ZFAND3: variants seen among roughly 807,000 people sequenced by gnomAD.
ZFAND3 encodes the protein AN1-type zinc finger protein 3.
A neutral mutation model predicts 29.6 loss-of-function variants in ZFAND3; 10 were observed. That is an observed-to-expected ratio of 0.34 (90% CI 0.21 to 0.57). ZFAND3 has a LOEUF of 0.57. Among genes scored for constraint, ZFAND3 ranks in the 20% least tolerant of loss-of-function variants. The pLI, the probability that ZFAND3 is intolerant of heterozygous loss-of-function variation, is 0.86. For missense variants in ZFAND3, 230 were observed against 304.5 expected (o/e 0.76, Z 1.82); for synonymous variants, 128 against 112.6 (o/e 1.14, Z -0.87).
intron 4 of ZFAND3, among the ~76,000 whole-genome samples, chr6:38,116,317 A>G (rs1437793575): frequency 6.6e-6 from 1 of 152,072 alleles, no homozygotes; most frequent in Non-Finnish European, 1.5e-5. Context: ...AAACAACAAC[A>G]TAGAACTGGT....
rs552414197 is a variant in ZFAND3, at chr6:38,119,330, G to T, written c.529+2591G>T. Among the ~76,000 whole-genome samples the T allele has an allele frequency of 1.9e-4, 29 of 152,278 alleles. No homozygotes were observed. In the East Asian group the frequency reaches 3.3e-3, roughly 17 times the overall value. ...TTAACTGCCCTGAAAGGTTTTAGAG[G>T]GGGGATAACACAGTAATTTACTACT... On this transcript the variant is annotated intron_variant, in intron 5 of 5. Coordinates refer to ENST00000287218, the MANE Select transcript of ZFAND3 (RefSeq NM_021943.3).
intron 2 of ZFAND3, among the ~76,000 whole-genome samples, chr6:38,061,310 C>T (rs1561984717): frequency 6.6e-6 from 1 of 152,076 alleles, no homozygotes; most frequent in Non-Finnish European, 1.5e-5. Flanking sequence ...TTCTGATTAC[C>T]CTTAAATTTT....
At position 37,881,008 on chromosome 6, in the gene ZFAND3, TAAAAA is replaced by T. The variant is rs59495173; in HGVS notation, c.72-48940_72-48936del. 2.0e-3 allele frequency among the ~76,000 whole-genome samples: 280 copies of T among 143,512 alleles called. 1 individual carries two copies. The highest frequency in any genetic ancestry group is 6.6e-3 in the African/African-American group (264 of 40,154). The allele number at this position is 143,512 out of a possible 152,430, so 94.1% of individuals were successfully genotyped here. On this transcript the variant is annotated intron_variant, in intron 1 of 5. Coordinates refer to ENST00000287218, the MANE Select transcript of ZFAND3 (RefSeq NM_021943.3). ...CACATGTACCCTAAAACTTAGAGTA[TAAAAA>T]AAAAAAAAAATACTCTTCAAGGGAA... is the stretch of plus-strand genomic sequence containing the variant.
chr6:38,093,711 A>C (rs1271486590), intron 4 of ZFAND3, among the ~76,000 whole-genome samples: 1 of 152,182 alleles, frequency 6.6e-6, no homozygotes, highest in African/African-American at 2.4e-5. Context: ...AGTTTGTGTA[A>C]TGTGTGGGAA....
chr6:38,054,775 A>G (rs1033054486), intron 2 of ZFAND3, among the ~76,000 whole-genome samples: 16 of 152,208 alleles, frequency 1.1e-4, no homozygotes, highest in African/African-American at 3.9e-4. Flanking sequence ...CCATAAGTGC[A>G]TTGGTTCTTG....
chr6:37,923,117 G>A (rs1029164389), intron 1 of ZFAND3, among the ~76,000 whole-genome samples: 1 of 152,060 alleles, frequency 6.6e-6, no homozygotes, highest in African/African-American at 2.4e-5. Context: ...TATTCTATAA[G>A]TTTTCTTTAT....
At chr6:37,858,894 G>A (rs1764430616) in intron 1 of ZFAND3, among the ~76,000 whole-genome samples, 1 of 152,182 alleles carries the variant, frequency 6.6e-6, no homozygotes, top group African/African-American at 2.4e-5. Flanking sequence ...ACCAGTAGCT[G>A]CACTGCCATT....
chr6:37,915,683 A>G (rs1264183850), intron 1 of ZFAND3: 1 of 152,190 alleles, frequency 6.6e-6, no homozygotes, highest in Non-Finnish European at 1.5e-5. Flanking sequence ...ATTTTCCACA[A>G]ATGTGAGAAA....
intron 4 of ZFAND3, among the ~76,000 whole-genome samples, chr6:38,095,357 T>A (rs1395734650): frequency 2.6e-5 from 4 of 152,176 alleles, no homozygotes; most frequent in Non-Finnish European, 5.9e-5. Context: ...TCATGCCACA[T>A]CTTAGTTTGC....
intron 2 of ZFAND3, among the ~76,000 whole-genome samples, chr6:38,009,053 T>C (rs1043794338): frequency 6.6e-6 from 1 of 152,180 alleles, no homozygotes; most frequent in Non-Finnish European, 1.5e-5. Context: ...ACCTGTGTTA[T>C]CAGTAATAAG....
chr6:37,855,869 G>A (rs1764372767), intron 1 of ZFAND3, among the ~76,000 whole-genome samples: 1 of 152,132 alleles, frequency 6.6e-6, no homozygotes. Flanking sequence ...TAACGACATT[G>A]TTAATAATTC....
chr6:37,862,055 AG>A (rs1257730011), intron 1 of ZFAND3, among the ~76,000 whole-genome samples: 1 of 152,180 alleles, frequency 6.6e-6, no homozygotes, highest in African/African-American at 2.4e-5. Context: ...ATGTGCTCAA[AG>A]AGGAAATAGC....
At chr6:37,823,939 G>T (rs1763712881) in intron 1 of ZFAND3, among the ~76,000 whole-genome samples, 1 of 151,908 alleles carries the variant, frequency 6.6e-6, no homozygotes, top group Admixed American at 6.6e-5. Flanking sequence ...TTACAGGCAC[G>T]TGCCACCACA....
At chr6:38,041,625 CTACTTT>C (rs149246222) in intron 2 of ZFAND3, among the ~76,000 whole-genome samples, 14,398 of 101,250 alleles carry the variant, frequency 0.14, 1,551 homozygotes, top group Non-Finnish European at 0.2. Context: ...GTTTTTTTAT[CTACTTT>C]TTCTTCTTCT....
intron 2 of ZFAND3, among the ~76,000 whole-genome samples, chr6:38,028,153 T>G (rs994407811): frequency 2.0e-5 from 3 of 152,226 alleles, no homozygotes; most frequent in Non-Finnish European, 4.4e-5. Flanking sequence ...AAGAACAGGC[T>G]AAAGCACTTC....
At chr6:38,011,470 G>A (rs568303015) in intron 2 of ZFAND3, among the ~76,000 whole-genome samples, 3 of 152,102 alleles carry the variant, frequency 2.0e-5, no homozygotes, top group South Asian at 4.1e-4. Flanking sequence ...CCAACACCTG[G>A]TGTTGTCAGT....
intron 2 of ZFAND3, among the ~76,000 whole-genome samples, chr6:37,978,167 T>C (rs535826052): frequency 5.9e-5 from 9 of 152,224 alleles, no homozygotes; most frequent in Admixed American, 3.9e-4. Flanking sequence ...ACTGAGACTG[T>C]GCCTGGCTGT....
intron 2 of ZFAND3, among the ~76,000 whole-genome samples, chr6:38,055,966 T>C (rs1161077055): frequency 6.6e-6 from 1 of 152,208 alleles, no homozygotes; most frequent in Non-Finnish European, 1.5e-5. Flanking sequence ...CTGAATAATG[T>C]AGGAGACTGA....
intron 2 of ZFAND3, among the ~76,000 whole-genome samples, chr6:38,033,440 C>A (rs889040254): frequency 5.3e-5 from 8 of 152,094 alleles, no homozygotes; most frequent in Non-Finnish European, 1.2e-4. Context: ...GTTAATAGAA[C>A]TTATATTTAT....
Sources: gnomAD v4.1 joint callset for allele counts (sites outside exome capture counted in the v4.1 genomes callset) on GRCh38, gnomAD v4.1.1 for gene constraint, MANE v1.5 for transcripts, NCBI Gene and HGNC (gene_info 2026-07-23, HGNC 2026-07-21) for gene names.